Variants in ITGA11 observed in about 807,000 individuals in gnomAD.
ITGA11 encodes integrin subunit alpha 11, also known as integrin alpha-11.
A neutral mutation model predicts 141.9 loss-of-function variants in ITGA11; 97 were observed. The observed-to-expected ratio is 0.68, with a 90% CI of 0.58 to 0.81. ITGA11 has a LOEUF of 0.81. Ranked by LOEUF, ITGA11 falls within the 30% of genes least tolerant of loss-of-function variation. The pLI, the probability that ITGA11 is intolerant of heterozygous loss-of-function variation, is 0.00. For missense variants in ITGA11, 1,387 were observed against 1,559.2 expected (o/e 0.89, Z 1.86); for synonymous variants, 658 against 624.6 (o/e 1.05, Z -0.80).
chr15:68,337,378 C>A lies in ITGA11; in HGVS notation c.1277-1533G>T, dbSNP rs563748393. Among the ~76,000 whole-genome samples the A allele has an allele frequency of 3.5e-3, 528 of 152,272 alleles. 1 individual carries two copies. The highest frequency in any genetic ancestry group is 6.8e-3 in the Middle Eastern group (2 of 294). ...CATGGCCCGAAATTTATACTGCACC[C>A]CCAGTGGAGGCTGGGAGCTGGCCTC... On this transcript the variant is annotated intron_variant, in intron 11 of 29. Transcript: ENST00000315757.
At chr15:68,382,583 C>T (rs749957810) in intron 2 of ITGA11, among the ~76,000 whole-genome samples, 53 of 152,348 alleles carry the variant, frequency 3.5e-4, no homozygotes, top group Non-Finnish European at 4.4e-5. Flanking sequence ...TGGGCCTATG[C>T]CAACCCCTGA....
chr15:68,364,303 C>T (rs1895346036), intron 4 of ITGA11, among the ~76,000 whole-genome samples: 1 of 152,092 alleles, frequency 6.6e-6, no homozygotes, highest in Non-Finnish European at 1.5e-5. Context: ...CAGCCTGCTT[C>T]TTTTTTCAAG....
Position 68,300,808 on chromosome 15 carries a change from C to T in ITGA11, c.*2251G>A, listed in dbSNP as rs1370857121. On this transcript the variant is annotated 3_prime_UTR_variant, in exon 30 of 30. Transcript: ENST00000315757. ...CAGTGACCTCTGGGCTGCATCTGACCAGCAGGTACATTCTGTTTGGCCTGC... is the reference window on the plus strand; with the variant it reads ...CAGTGACCTCTGGGCTGCATCTGACTAGCAGGTACATTCTGTTTGGCCTGC... 6.6e-6 allele frequency: 1 copy of T among 152,136 alleles called. No homozygotes were observed. Among genetic ancestry groups the T allele is most frequent in the East Asian group, 1.9e-4 (1 of 5,194 alleles). The allele number at this position is 152,136 out of a possible 1,614,324, so 9.4% of individuals were successfully genotyped here.
intron 10 of ITGA11, 85 bp downstream of exon 10, chr15:68,348,745 T>C (rs1379557058): frequency 8.3e-7 from 1 of 1,209,332 alleles, no homozygotes; most frequent in Non-Finnish European, 1.2e-6. Context: ...TGAAGGTGGA[T>C]GACAGATCCA....
At position 68,307,814 on chromosome 15, in the gene ITGA11, A is replaced by G. The variant is rs1893252496; in HGVS notation, c.3175-118T>C. 3.0e-6 allele frequency: 2 copies of G among 661,038 alleles called. No individual in the cohort carries two copies. The highest frequency in any genetic ancestry group is 5.2e-6 in the Non-Finnish European group (2 of 381,898). The allele number at this position is 661,038 out of a possible 1,614,324, so 40.9% of individuals were successfully genotyped here. ...GGGCAGGGGCAGAGGACAGGGGACA[A>G]AGAGAAAGTTGGGAGTGGGGGACAT... On this transcript the variant is annotated intron_variant, in intron 26 of 29. Transcript: ENST00000315757. The surrounding 1 kb of genome is among the most constrained non-coding windows in gnomAD (Gnocchi z 6.1).
In ITGA11 at chr15:68,397,525, T is replaced by TTTAAA. The variant is rs1567157101; in HGVS notation, c.164+5392_164+5393insTTTAA. 7.2e-5 allele frequency among the ~76,000 whole-genome samples: 4 copies of TTTAAA among 55,482 alleles called. 1 individual carries two copies. Among genetic ancestry groups the TTTAAA allele is most frequent in the African/African-American group, 4.0e-4 (4 of 10,068 alleles). 36.4% of individuals were successfully genotyped at this position (55,482 alleles called of 152,430 possible). ...ATATTTTAAAATATATTTAAAATAT[T>TTTAAA]ATAAAATATTTAAAATATTATATTT... On this transcript the variant is annotated intron_variant, in intron 2 of 29. Transcript: ENST00000315757.
intron 7 of ITGA11, among the ~76,000 whole-genome samples, chr15:68,355,236 AAC>A (rs1242738418): frequency 6.6e-6 from 1 of 152,206 alleles, no homozygotes; most frequent in Non-Finnish European, 1.5e-5. Context: ...GCAAAACAAA[AAC>A]AGAAAAATGG....
chr15:68,381,649 G>A (rs192381608), intron 2 of ITGA11, among the ~76,000 whole-genome samples: 12 of 151,902 alleles, frequency 7.9e-5, no homozygotes, highest in East Asian at 3.9e-4. Flanking sequence ...TCCACCTCCC[G>A]GGCTCAAGCG....
At chr15:68,408,247 C>A (rs1307545860) in intron 1 of ITGA11, among the ~76,000 whole-genome samples, 1 of 142,254 alleles carries the variant, frequency 7.0e-6, no homozygotes, top group African/African-American at 3.1e-5. Flanking sequence ...CCCCTGGCCT[C>A]CCCTGGGAAG....
At chr15:68,425,260 G>A (rs1210543767) in intron 1 of ITGA11, among the ~76,000 whole-genome samples, 2 of 152,230 alleles carry the variant, frequency 1.3e-5, no homozygotes, top group Admixed American at 6.5e-5. Context: ...AGGGCCTCAT[G>A]TTCAGAAAGG....
chr15:68,381,700 C>T (rs188795376), intron 2 of ITGA11, among the ~76,000 whole-genome samples: 114 of 152,226 alleles, frequency 7.5e-4, no homozygotes, highest in Non-Finnish European at 1.5e-3. Context: ...GGATTATAGG[C>T]GCTCACTGCC....
chr15:68,411,543 C>T (rs992052590), intron 1 of ITGA11, among the ~76,000 whole-genome samples: 5 of 152,154 alleles, frequency 3.3e-5, no homozygotes, highest in Admixed American at 3.3e-4. Flanking sequence ...CAGAGGAAGC[C>T]GCTCTATGGC....
Position 68,299,388 on chromosome 15 carries a change from T to G in ITGA11, c.*3671A>C, listed in dbSNP as rs939558233. The G allele has an allele frequency of 1.3e-5, 2 of 152,020 alleles. No homozygotes were observed. The highest frequency in any genetic ancestry group is 2.9e-5 in the Non-Finnish European group (2 of 68,030). 9.4% of individuals were successfully genotyped at this position (152,020 alleles called of 1,614,324 possible). A position where few individuals can be genotyped will look rare whatever the true frequency, so the allele number is the denominator to read the frequency against. Reference sequence around the variant, plus strand: ...TGTCCTTTGAGAAGAACCTAGTTGATGTTAATATTAACATAAAGATAGTAG... The same window carrying G: ...TGTCCTTTGAGAAGAACCTAGTTGAGGTTAATATTAACATAAAGATAGTAG... On this transcript the variant is annotated 3_prime_UTR_variant, in exon 30 of 30. Coordinates refer to ENST00000315757, the MANE Select transcript of ITGA11 (RefSeq NM_001004439.2).
Position 68,326,465 on chromosome 15 carries a change from G to A in ITGA11, c.2211+189C>T, listed in dbSNP as rs1326884419. Among the ~76,000 whole-genome samples, 1 of 152,036 alleles carries A rather than the reference G, an allele frequency of 6.6e-6. No individual in the cohort carries two copies. The highest frequency in any genetic ancestry group is 1.9e-4 in the East Asian group (1 of 5,158). On this transcript the variant is annotated intron_variant, in intron 17 of 29. Coordinates refer to ENST00000315757, the MANE Select transcript of ITGA11 (RefSeq NM_001004439.2). The surrounding 1 kb of genome is among the most constrained non-coding windows in gnomAD (Gnocchi z 6.8). ...GTTTTGGAAGGATGTCTAGTGAGGT[G>A]GTATGTAGCGTGTCTCTGGGGCATG...
rs1233603149 is a variant in ITGA11 at position 68,328,756 on chromosome 15, T to G, written c.1902-494A>C. Among the ~76,000 whole-genome samples, 1 of 152,154 alleles carries G rather than the reference T, an allele frequency of 6.6e-6. No individual in the cohort carries two copies. The highest frequency in any genetic ancestry group is 2.4e-5 in the African/African-American group (1 of 41,426). On this transcript the variant is annotated intron_variant, in intron 15 of 29. Transcript: ENST00000315757. The surrounding 1 kb of genome is among the most constrained non-coding windows in gnomAD (Gnocchi z 4.8). ...CCTGGGGATCATGTTAAAATGCAGA[T>G]TTTGATCCAATAGCTTGGCACTGAT... is the stretch of plus-strand genomic sequence containing the variant.
At position 68,305,380 on chromosome 15, in the gene ITGA11, G is replaced by C. The variant is rs756842973; in HGVS notation, c.3382-1495C>G. 6.6e-6 allele frequency among the ~76,000 whole-genome samples: 1 copy of C among 152,180 alleles called. No homozygotes were observed. The highest frequency in any genetic ancestry group is 1.5e-5 in the Non-Finnish European group (1 of 68,046). Reference sequence around the variant, plus strand: ...TTTTTCTGGGTAGCCCTTATCACCAGTTGATAACGTTTATATTTATGTTTA... The same window carrying C: ...TTTTTCTGGGTAGCCCTTATCACCACTTGATAACGTTTATATTTATGTTTA... On this transcript the variant is annotated intron_variant, in intron 28 of 29. Transcript: ENST00000315757. The surrounding 1 kb of genome is among the most constrained non-coding windows in gnomAD (Gnocchi z 4.6).
intron 2 of ITGA11, among the ~76,000 whole-genome samples, chr15:68,385,772 G>A (rs766174636): frequency 6.6e-5 from 10 of 152,114 alleles, no homozygotes; most frequent in African/African-American, 9.7e-5. Flanking sequence ...TTTCAGTCCC[G>A]GCCCTCAAAC....
intron 1 of ITGA11, among the ~76,000 whole-genome samples, chr15:68,419,148 A>G (rs945116607): frequency 2.0e-5 from 3 of 152,090 alleles, no homozygotes; most frequent in Non-Finnish European, 4.4e-5. Context: ...ACCAGATGCC[A>G]TTGTCTAGGC....
chr15:68,354,122 C>T (rs1234062976), intron 7 of ITGA11, among the ~76,000 whole-genome samples: 1 of 152,156 alleles, frequency 6.6e-6, no homozygotes, highest in Non-Finnish European at 1.5e-5. Context: ...CTCCCGCTAC[C>T]ACACTCCATT....
Sources: allele counts gnomAD v4.1 joint callset (sites outside exome capture counted in the v4.1 genomes callset), GRCh38; gene constraint gnomAD v4.1.1; non-coding constraint Gnocchi (gnomAD v3.1); transcripts MANE v1.5; gene names NCBI Gene and HGNC (gene_info 2026-07-23, HGNC 2026-07-21).